ROPN1L: variants seen among roughly 807,000 people sequenced by gnomAD.
The protein encoded by ROPN1L is rhophilin associated tail protein 1 like.
A neutral mutation model predicts 22.7 loss-of-function variants in ROPN1L; 23 were observed. That is an observed-to-expected ratio of 1.01 (90% confidence interval 0.73 to 1.43). The LOEUF (loss-of-function observed/expected upper bound fraction) is 1.43, where lower values mean the gene tolerates loss of function less well. ROPN1L is among the 40% of genes most tolerant of loss of function. The pLI is 0.00. For synonymous variants in ROPN1L, 116 were observed against 117.8 expected, an observed-to-expected ratio of 0.98 and a Z score of 0.10; for missense variants, 271 against 291.5, an observed-to-expected ratio of 0.93 and a Z score of 0.51.
At chr5:10,456,110 T>C (rs1233042795) in intron 3 of ROPN1L, among the ~76,000 whole-genome samples, 1 of 152,042 alleles carries the variant, frequency 6.6e-6, no homozygotes, top group Non-Finnish European at 1.5e-5. Flanking sequence ...GCCCGGAAAA[T>C]AGTGGGTGCC....
chr5:10,451,928 A>AATCTATCTATCTATCTATCTATCTATCT (rs70947207), intron 3 of ROPN1L, among the ~76,000 whole-genome samples: 9 of 150,634 alleles, frequency 6.0e-5, no homozygotes, highest in East Asian at 2.0e-4. Flanking sequence ...AACTCTGTGA[A>AATCTATCTATCTATCTATCTATCTATCT]ATCTATCTAT....
chr5:10,458,373 G>A (rs1289063863), intron 3 of ROPN1L, among the ~76,000 whole-genome samples: 2 of 151,634 alleles, frequency 1.3e-5, no homozygotes, highest in Admixed American at 6.6e-5. Context: ...CGGCAACCTC[G>A]TGGGGCTCGG....
chr5:10,472,362 G>T (rs185496378), downstream of ROPN1L, among the ~76,000 whole-genome samples: 80 of 152,280 alleles, frequency 5.3e-4, no homozygotes, highest in African/African-American at 1.9e-3. Context: ...GAATGCTTGT[G>T]ATCTAGGCTG....
At chr5:10,465,903 T>C (rs1177080199), downstream of ROPN1L, among the ~76,000 whole-genome samples, 1 of 152,152 alleles carries the variant, frequency 6.6e-6, no homozygotes, top group Non-Finnish European at 1.5e-5. Flanking sequence ...GGCTCGCCCT[T>C]TGCTCCCTGC....
At chr5:10,450,881 T>G (rs1741232634) in intron 3 of ROPN1L, among the ~76,000 whole-genome samples, 1 of 152,122 alleles carries the variant, frequency 6.6e-6, no homozygotes, top group Non-Finnish European at 1.5e-5. Context: ...AACTTAGGAA[T>G]AAGACATGAT....
intron 3 of ROPN1L, among the ~76,000 whole-genome samples, chr5:10,454,308 A>C (rs1218272365): frequency 6.6e-6 from 1 of 152,072 alleles, no homozygotes; most frequent in African/African-American, 2.4e-5. Flanking sequence ...TTTTTTGTAG[A>C]GACAAGTATC....
intron 3 of ROPN1L, among the ~76,000 whole-genome samples, chr5:10,451,196 A>G (rs1319302331): frequency 6.6e-6 from 1 of 152,056 alleles, no homozygotes; most frequent in Non-Finnish European, 1.5e-5. Flanking sequence ...CACAGCCCTC[A>G]CTCAGCTTTG....
At chr5:10,465,542 C>T (rs558482765), downstream of ROPN1L, among the ~76,000 whole-genome samples, 409 of 150,424 alleles carry the variant, frequency 2.7e-3, 1 homozygote, top group Admixed American at 4.5e-3. Flanking sequence ...AAAACACAAA[C>T]GAACAAACAA....
chr5:10,461,765 A>C (rs1404433975), intron 4 of ROPN1L, among the ~76,000 whole-genome samples: 1 of 152,248 alleles, frequency 6.6e-6, no homozygotes, highest in African/African-American at 2.4e-5. Context: ...TTAATTTGCT[A>C]GAATGGTTCA....
At chr5:10,466,110 G>A (rs575225706), downstream of ROPN1L, among the ~76,000 whole-genome samples, 41 of 152,260 alleles carry the variant, frequency 2.7e-4, no homozygotes, top group African/African-American at 8.4e-4. Context: ...TAAAGTTTTC[G>A]AAAAGGCCAA....
downstream of ROPN1L, among the ~76,000 whole-genome samples, chr5:10,473,432 G>A (rs1429694130): frequency 2.0e-5 from 3 of 152,160 alleles, no homozygotes; most frequent in Non-Finnish European, 4.4e-5. Flanking sequence ...CATCACTAAG[G>A]AGTGCTTGGA....
At chr5:10,459,830 T>C (rs1814856) in intron 3 of ROPN1L, among the ~76,000 whole-genome samples, 45,962 of 152,096 alleles carry the variant, frequency 0.3, 7,594 homozygotes, top group East Asian at 0.66. Flanking sequence ...CCCACTTGAC[T>C]GTGATCTCCA....
chr5:10,479,393 T>C, the ROPN1L span: 1 of 152,262 alleles, frequency 6.6e-6, no homozygotes, highest in Non-Finnish European at 1.5e-5. Context: ...CGCTCAGGCT[T>C]GGCTCAGACA....
chr5:10,447,765 C>T (rs1741116215), intron 1 of ROPN1L, among the ~76,000 whole-genome samples: 1 of 152,152 alleles, frequency 6.6e-6, no homozygotes, highest in African/African-American at 2.4e-5. Flanking sequence ...CCTGTAGTCC[C>T]AGCTACTCAG....
downstream of ROPN1L, among the ~76,000 whole-genome samples, chr5:10,473,229 G>A (rs1009555139): frequency 6.6e-6 from 1 of 152,148 alleles, no homozygotes; most frequent in Non-Finnish European, 1.5e-5. Context: ...TACAAATGTG[G>A]CCTTGTTTGG....
chr5:10,459,953 G>T (rs370811338), intron 3 of ROPN1L, among the ~76,000 whole-genome samples: 3 of 152,206 alleles, frequency 2.0e-5, no homozygotes, highest in Non-Finnish European at 4.4e-5. Context: ...GGCGAGGGGG[G>T]TTACGTTTAA....
At chr5:10,476,334 T>C (rs886926145), downstream of ROPN1L, among the ~76,000 whole-genome samples, 9 of 152,206 alleles carry the variant, frequency 5.9e-5, no homozygotes, top group African/African-American at 2.2e-4. Context: ...TCTGGCAAGG[T>C]GGGAAATACG....
chr5:10,460,942 A>G (rs1286381484), intron 3 of ROPN1L, among the ~76,000 whole-genome samples: 3 of 152,268 alleles, frequency 2.0e-5, no homozygotes, highest in African/African-American at 4.8e-5. Context: ...CTATTTTAAT[A>G]GAAAATAAGA....
At chr5:10,445,696 C>A (rs115798736) in intron 1 of ROPN1L, among the ~76,000 whole-genome samples, 195 of 152,266 alleles carry the variant, frequency 1.3e-3, no homozygotes, top group African/African-American at 4.1e-3. Flanking sequence ...GAGGACGAGG[C>A]GGACAGGTTA....
Sources: gnomAD v4.1 joint callset for allele counts (sites outside exome capture counted in the v4.1 genomes callset) on GRCh38, gnomAD v4.1.1 for gene constraint, MANE v1.5 for transcripts, NCBI Gene and HGNC (gene_info 2026-07-23, HGNC 2026-07-21) for gene names.